The following WNT9B variants were observed in gnomAD, a reference collection of about 807,000 sequenced individuals.
WNT9B encodes protein Wnt-9b.
Under a neutral mutation model 30.2 loss-of-function variants are expected in WNT9B, and 12 were observed. The ratio of observed to expected loss-of-function variants is 0.40; its 90% CI spans 0.26 to 0.64. The LOEUF is 0.64. Ranked by LOEUF, WNT9B falls within the 30% of genes least tolerant of loss-of-function variation. The pLI is 0.42. For synonymous variants in WNT9B, 218 were observed against 216.9 expected (o/e 1.01, Z -0.05); for missense variants, 442 against 485.2 (o/e 0.91, Z 0.84).
Position 46,875,325 on chromosome 17 carries a change from C to A in WNT9B, c.559C>A (p.Arg187=). The A allele has an allele frequency of 1.9e-6, 3 of 1,612,502 alleles. No homozygotes were observed. Among genetic ancestry groups the A allele is most frequent in the Non-Finnish European group, 2.5e-6 (3 of 1,178,858 alleles). ...LGSKRGNKDL[R]ARADAHNTHV... is the part of the protein sequence containing the mutation. ...GTCCAAGAGAGGAAACAAGGACCTG[C>A]GGGCACGGGCAGACGCCCACAATAC... Residue 187 remains arginine, a synonymous_variant, in exon 3 of 4, where the codon CGG becomes AGG. Transcript: ENST00000290015.
chr17:46,872,889 C>G, intron 2 of WNT9B, 116 bp downstream of exon 2: 1 of 1,235,656 alleles, frequency 8.1e-7, no homozygotes, highest in Non-Finnish European at 1.1e-6. Context: ...GCCACACTGC[C>G]CTTCCTGCCC....
chr17:46,834,781 G>A (rs1351195578), intron 1 of WNT9B, among the ~76,000 whole-genome samples: 2 of 152,096 alleles, frequency 1.3e-5, no homozygotes, highest in African/African-American at 4.8e-5. Context: ...CCCCTGGCCA[G>A]CTCCTCAAGG....
intron 1 of WNT9B, among the ~76,000 whole-genome samples, chr17:46,855,789 C>T (rs2084928442): frequency 1.3e-5 from 2 of 150,438 alleles, no homozygotes; most frequent in Admixed American, 6.6e-5. Context: ...ACCTCCACCT[C>T]CCAAGTTCAA....
At chr17:46,882,003 T>A (rs575897579), downstream of WNT9B, among the ~76,000 whole-genome samples, 32 of 152,230 alleles carry the variant, frequency 2.1e-4, no homozygotes, top group Middle Eastern at 6.8e-3. Flanking sequence ...TTTATAACAT[T>A]ATTTTCTGGC....
At chr17:46,883,444 C>T (rs948054580), downstream of WNT9B, among the ~76,000 whole-genome samples, 3 of 150,268 alleles carry the variant, frequency 2.0e-5, no homozygotes, top group Admixed American at 6.6e-5. Flanking sequence ...ACCCCACGCC[C>T]GGCCTTATTT....
At chr17:46,863,879 A>G (rs1427736926) in intron 1 of WNT9B, among the ~76,000 whole-genome samples, 1 of 152,114 alleles carries the variant, frequency 6.6e-6, no homozygotes, top group Non-Finnish European at 1.5e-5. Context: ...GGTGTCCTGG[A>G]CTACTCTGGG....
rs7211619 is a variant in WNT9B, at chr17:46,866,441, T to C, written c.78-6076T>C. Reference sequence around the variant, plus strand: ...ATGTGCGAGTATAGGTGTGTATGAATGTGGATGTGTGTGTGAGGGAGTGTG... The same window carrying C: ...ATGTGCGAGTATAGGTGTGTATGAACGTGGATGTGTGTGTGAGGGAGTGTG... On this transcript the variant is annotated intron_variant, in intron 1 of 3. Coordinates refer to ENST00000290015, the MANE Select transcript of WNT9B (RefSeq NM_003396.3). 3.5e-3 allele frequency among the ~76,000 whole-genome samples: 538 copies of C among 151,970 alleles called. 3 individuals carry two copies. Among genetic ancestry groups the C allele is most frequent in the African/African-American group, 0.012 (507 of 41,450 alleles).
At chr17:46,864,361 C>T (rs540076395) in intron 1 of WNT9B, among the ~76,000 whole-genome samples, 2 of 152,358 alleles carry the variant, frequency 1.3e-5, no homozygotes, top group African/African-American at 4.8e-5. Context: ...CTTCTCTTCA[C>T]ATACCAGGCC....
At chr17:46,839,434 AG>A (rs1568113334) in intron 1 of WNT9B, among the ~76,000 whole-genome samples, 11 of 152,366 alleles carry the variant, frequency 7.2e-5, no homozygotes, top group Non-Finnish European at 1.3e-4. Context: ...GTTGTATGGT[AG>A]CTGCCACTGG....
upstream of WNT9B, among the ~76,000 whole-genome samples, chr17:46,851,093 G>T (rs1264591584): frequency 3.3e-5 from 5 of 152,184 alleles, no homozygotes; most frequent in East Asian, 7.7e-4. The surrounding 1 kb of genome is among the most constrained non-coding windows in gnomAD (Gnocchi z 4.3). Context: ...CCAGGACCCG[G>T]CCCTGCCCTG....
Position 46,867,201 on chromosome 17 carries a change from C to A in WNT9B, c.78-5316C>A, listed in dbSNP as rs562892866. On this transcript the variant is annotated intron_variant, in intron 1 of 3. Transcript: ENST00000290015. Reference sequence around the variant, plus strand: ...TTCCAGACTGTGAGCTTCTTGAGGGCAGGACCGTGTCCCAGCACAGTACCT... The same window carrying A: ...TTCCAGACTGTGAGCTTCTTGAGGGAAGGACCGTGTCCCAGCACAGTACCT... 3.3e-5 allele frequency among the ~76,000 whole-genome samples: 5 copies of A among 152,352 alleles called. No homozygotes were observed. In the South Asian group the frequency reaches 1.0e-3, roughly 32 times the overall value.
chr17:46,862,570 GT>G (rs1032415861), intron 1 of WNT9B, among the ~76,000 whole-genome samples: 70 of 152,086 alleles, frequency 4.6e-4, no homozygotes, highest in Admixed American at 1.8e-3. Context: ...TGCAAGCTGA[GT>G]TTTTTTTGTT....
chr17:46,864,040 A>C (rs1390808047), intron 1 of WNT9B, among the ~76,000 whole-genome samples: 3 of 152,200 alleles, frequency 2.0e-5, no homozygotes, highest in Non-Finnish European at 4.4e-5. Context: ...CACTGTCCTC[A>C]TCATTGAGGG....
At chr17:46,849,849 C>CTTTTTTTTTTTTTTTTTTTTTTTTT (rs761797393), upstream of WNT9B, among the ~76,000 whole-genome samples, 1 of 145,750 alleles carries the variant, frequency 6.9e-6, no homozygotes, top group Admixed American at 6.8e-5. Flanking sequence ...CATTTAATAT[C>CTTTTTTTTTTTTTTTTTTTTTTTTT]TTTTTTTTTT....
At chr17:46,868,439 C>CA (rs970884315) in intron 1 of WNT9B, among the ~76,000 whole-genome samples, 126 of 151,596 alleles carry the variant, frequency 8.3e-4, no homozygotes, top group African/African-American at 2.8e-3. Context: ...TAAAAATACA[C>CA]AAAAAAAATA....
intron 1 of WNT9B, among the ~76,000 whole-genome samples, chr17:46,839,372 G>A (rs1008436670): frequency 6.6e-6 from 1 of 152,226 alleles, no homozygotes; most frequent in Non-Finnish European, 1.5e-5. Context: ...CCCCTGGCGG[G>A]TCCAGGCAGC....
At chr17:46,845,766 G>A (rs567476398) in intron 1 of WNT9B, among the ~76,000 whole-genome samples, 1 of 145,350 alleles carries the variant, frequency 6.9e-6, no homozygotes, top group African/African-American at 2.6e-5. Flanking sequence ...GGGATTACAC[G>A]TGTGAGCCAC....
chr17:46,857,690 C>T (rs546112323), intron 1 of WNT9B, among the ~76,000 whole-genome samples: 4 of 152,234 alleles, frequency 2.6e-5, no homozygotes, highest in African/African-American at 9.6e-5. Context: ...CCATTTTACA[C>T]AGTAATGTAT....
rs560117721 is a variant in WNT9B at position 46,842,781 on chromosome 17, G to T, written c.95+9341G>T. Among the ~76,000 whole-genome samples the T allele has an allele frequency of 2.6e-5, 4 of 152,320 alleles. No homozygotes were observed. In the South Asian group the frequency reaches 8.3e-4, roughly 32 times the overall value. ...TCAAAACGTAGCTGTGGAATGATTA[G>T]TTTTTTGAAACCATCCAGACAGAAG... On this transcript the variant is annotated intron_variant, in intron 1 of 2. Coordinates refer to the WNT9B transcript ENST00000575372.
Sources: allele counts gnomAD v4.1 joint callset (sites outside exome capture counted in the v4.1 genomes callset), GRCh38; gene constraint gnomAD v4.1.1; non-coding constraint Gnocchi (gnomAD v3.1); transcripts MANE v1.5; gene names NCBI Gene and HGNC (gene_info 2026-07-23, HGNC 2026-07-21).